The following CACNA1E variants were observed in gnomAD, a reference collection of about 807,000 sequenced individuals.
The protein encoded by CACNA1E is calcium voltage-gated channel subunit alpha1 E.
A neutral mutation model predicts 259.2 loss-of-function variants in CACNA1E; 40 were observed. That is an observed-to-expected ratio of 0.15 (90% CI 0.12 to 0.20). CACNA1E has a LOEUF of 0.20. Ranked by LOEUF, CACNA1E falls within the 10% of genes least tolerant of loss-of-function variation. The pLI, the probability that CACNA1E is intolerant of heterozygous loss-of-function variation, is 1.00. For missense variants in CACNA1E, 1,874 were observed against 3,040.1 expected (o/e 0.62, Z 9.02); for synonymous variants, 1,104 against 1,138.5 (o/e 0.97, Z 0.61).
chr1:181,706,614 A>G (rs1316669388), intron 7 of CACNA1E, among the ~76,000 whole-genome samples: 1 of 152,224 alleles, frequency 6.6e-6, no homozygotes, highest in Non-Finnish European at 1.5e-5. Flanking sequence ...TGAAAAGGAT[A>G]GTCCCTTAAA....
Position 181,721,983 on chromosome 1 carries a change from G to A in CACNA1E, c.2074+108G>A, listed in dbSNP as rs115701164. The A allele has an allele frequency of 3.1e-3, 2,282 of 734,442 alleles. 37 individuals carry two copies. In the African/African-American group the frequency reaches 0.035, roughly 11 times the overall value. The allele number at this position is 734,442 out of a possible 1,614,324, so 45.5% of individuals were successfully genotyped here. A position where few individuals can be genotyped will look rare whatever the true frequency, so the allele number is the denominator to read the frequency against. ...GAGCTTGGGTTGGTGGGACAGGGGC[G>A]TGGACATTGTTTGGTGTACTAAAGT... On this transcript the variant is annotated intron_variant, in intron 16 of 47. Transcript: ENST00000367573.
chr1:181,779,773 G>A (rs938896539), intron 38 of CACNA1E, among the ~76,000 whole-genome samples: 17 of 150,770 alleles, frequency 1.1e-4, no homozygotes, highest in African/African-American at 3.7e-4. Flanking sequence ...CAGTGTGATC[G>A]CTCTCTTCAC....
intron 44 of CACNA1E, among the ~76,000 whole-genome samples, chr1:181,791,592 A>G (rs941628373): frequency 1.3e-5 from 2 of 152,230 alleles, no homozygotes; most frequent in African/African-American, 4.8e-5. Flanking sequence ...GTTCCTAAAC[A>G]TCATTGACTT....
intron 40 of CACNA1E, 34 bp from the exon 41 acceptor site, chr1:181,784,627 C>A: frequency 7.1e-7 from 1 of 1,411,252 alleles, no homozygotes; most frequent in Non-Finnish European, 9.8e-7. Context: ...ATTTCTGGGT[C>A]TATTCTATTT....
chr1:181,789,545 C>T (rs576338220), intron 43 of CACNA1E, among the ~76,000 whole-genome samples: 38 of 152,242 alleles, frequency 2.5e-4, no homozygotes, highest in African/African-American at 8.9e-4. Context: ...GACCCCAGTC[C>T]TTCCTCCCAT....
intron 33 of CACNA1E, among the ~76,000 whole-genome samples, chr1:181,762,909 C>T (rs766515345): frequency 6.6e-5 from 10 of 152,262 alleles, no homozygotes; most frequent in South Asian, 2.1e-4. Flanking sequence ...GTGGGATAGA[C>T]GGTGTCAGAA....
intron 25 of CACNA1E, among the ~76,000 whole-genome samples, chr1:181,746,551 G>A (rs972499415): frequency 1.3e-5 from 2 of 152,196 alleles, no homozygotes; most frequent in African/African-American, 2.4e-5. Flanking sequence ...CAGTGGCTTG[G>A]TATAGATCTC....
intron 3 of CACNA1E, among the ~76,000 whole-genome samples, chr1:181,558,474 G>A (rs1441950390): frequency 6.6e-6 from 1 of 152,202 alleles, no homozygotes; most frequent in Non-Finnish European, 1.5e-5. Flanking sequence ...AGAAGACTGA[G>A]GGAAAGGGTG....
intron 6 of CACNA1E, among the ~76,000 whole-genome samples, chr1:181,639,188 C>T (rs939941135): frequency 5.9e-5 from 9 of 151,890 alleles, no homozygotes; most frequent in Non-Finnish European, 8.8e-5. Context: ...ACCAGGTTCA[C>T]GCCATTCTCC....
chr1:181,785,638 G>A (rs1660788465), intron 42 of CACNA1E, 75 bp from the exon 43 acceptor site: 1 of 1,048,754 alleles, frequency 9.5e-7, no homozygotes. Context: ...TATTATCCAT[G>A]TTAATTTTAT....
At chr1:181,562,270 C>T (rs1341651674) in intron 3 of CACNA1E, among the ~76,000 whole-genome samples, 1 of 152,168 alleles carries the variant, frequency 6.6e-6, no homozygotes, top group Non-Finnish European at 1.5e-5. Context: ...TGCCCATAGT[C>T]CAACAGCTCT....
intron 7 of CACNA1E, among the ~76,000 whole-genome samples, chr1:181,703,872 T>A (rs1264997203): frequency 6.6e-6 from 1 of 152,242 alleles, no homozygotes; most frequent in Non-Finnish European, 1.5e-5. Flanking sequence ...GTGAGACTCC[T>A]GGTCTGTCTT....
At chr1:181,383,503 G>T (rs1340126746) in intron 1 of CACNA1E, among the ~76,000 whole-genome samples, 1 of 152,194 alleles carries the variant, frequency 6.6e-6, no homozygotes, top group Non-Finnish European at 1.5e-5. Flanking sequence ...AAGTATGTGT[G>T]TGGCAAATGC....
chr1:181,369,268 G>T (rs968479718), intron 1 of CACNA1E, among the ~76,000 whole-genome samples: 1 of 152,206 alleles, frequency 6.6e-6, no homozygotes, highest in African/African-American at 2.4e-5. Flanking sequence ...GTGGAGATTG[G>T]AAACTGGAGA....
chr1:181,543,779 C>T (rs1668772066), intron 3 of CACNA1E, among the ~76,000 whole-genome samples: 1 of 152,132 alleles, frequency 6.6e-6, no homozygotes, highest in Non-Finnish European at 1.5e-5. Flanking sequence ...AAATAAAAAC[C>T]ACGATAAGAT....
chr1:181,502,536 G>A (rs772283601), intron 1 of CACNA1E, among the ~76,000 whole-genome samples: 5 of 152,196 alleles, frequency 3.3e-5, no homozygotes, highest in Non-Finnish European at 7.4e-5. Flanking sequence ...CCTGGGCAGG[G>A]TGGAGCGGCT....
At chr1:181,447,379 A>T (rs1660858975) in intron 2 of CACNA1E, among the ~76,000 whole-genome samples, 2 of 152,066 alleles carry the variant, frequency 1.3e-5, no homozygotes, top group African/African-American at 2.4e-5. Flanking sequence ...AAAAGAAAAA[A>T]AAAATTAGCC....
chr1:181,616,107 T>A (rs1488298375), intron 6 of CACNA1E, among the ~76,000 whole-genome samples: 4 of 152,162 alleles, frequency 2.6e-5, no homozygotes, highest in Non-Finnish European at 4.4e-5. Flanking sequence ...TGGGTTTGAT[T>A]TTTTACGATT....
At chr1:181,483,099 T>C (rs478732), upstream of CACNA1E, among the ~76,000 whole-genome samples, 1,315 of 152,320 alleles carry the variant, frequency 8.6e-3, 18 homozygotes, top group African/African-American at 0.03. Flanking sequence ...TCTCCAACCT[T>C]TGGATGCGTC....
Sources: gnomAD v4.1 joint callset for allele counts (sites outside exome capture counted in the v4.1 genomes callset) on GRCh38, gnomAD v4.1.1 for gene constraint, MANE v1.5 for transcripts, NCBI Gene and HGNC (gene_info 2026-07-23, HGNC 2026-07-21) for gene names.